The following DAP variants were observed in gnomAD, a reference collection of about 807,000 sequenced individuals.
DAP encodes the protein death associated protein, also known as death-associated protein 1.
Under a neutral mutation model 13.8 loss-of-function variants are expected in DAP, and 8 were observed. The observed-to-expected ratio is 0.58, with a 90% CI of 0.34 to 1.05. DAP has a LOEUF of 1.05. Ranked by LOEUF, DAP falls within the 50% of genes least tolerant of loss-of-function variation. The pLI, the probability that DAP is intolerant of heterozygous loss-of-function variation, is 0.03. For missense variants in DAP, 106 were observed against 133.2 expected (o/e 0.80, Z 1.01); for synonymous variants, 47 against 47.5 (o/e 0.99, Z 0.04).
intron 2 of DAP, among the ~76,000 whole-genome samples, chr5:10,684,113 T>C (rs267965): frequency 0.99 from 151,026 of 152,356 alleles, 74,912 homozygotes; most frequent in Non-Finnish European, 1. Flanking sequence ...GATGAGCCAC[T>C]GTGCCCAGCC....
intron 2 of DAP, among the ~76,000 whole-genome samples, chr5:10,702,976 A>G (rs985363774): frequency 6.6e-6 from 1 of 152,210 alleles, no homozygotes; most frequent in Non-Finnish European, 1.5e-5. Flanking sequence ...TTGCCTCCTC[A>G]GCCAGAGTCT....
Position 10,706,584 on chromosome 5 carries a change from G to A in DAP, c.153-23013C>T, listed in dbSNP as rs145515715. Among the ~76,000 whole-genome samples the A allele has an allele frequency of 5.5e-3, 838 of 152,230 alleles. 4 individuals are homozygous for A. The highest frequency in any genetic ancestry group is 8.4e-3 in the Non-Finnish European group (568 of 68,020). On this transcript the variant is annotated intron_variant, in intron 2 of 3. Transcript: ENST00000230895. ...ATGTTACCTGGTTTGTCAGAAAATC[G>A]GACAGAGATGGACTTGTTAAGACAA...
chr5:10,721,367 G>A (rs1163292649), intron 2 of DAP, among the ~76,000 whole-genome samples: 1 of 152,146 alleles, frequency 6.6e-6, no homozygotes, highest in Non-Finnish European at 1.5e-5. Context: ...CGGCTACCAG[G>A]AGACACAACA....
chr5:10,693,137 C>CAT (rs1738346171), intron 2 of DAP, among the ~76,000 whole-genome samples: 1 of 145,332 alleles, frequency 6.9e-6, no homozygotes, highest in African/African-American at 2.6e-5. Flanking sequence ...CACACACACA[C>CAT]ACACACACAC....
intron 2 of DAP, among the ~76,000 whole-genome samples, chr5:10,731,438 C>T (rs543615375): frequency 3.3e-5 from 5 of 152,304 alleles, no homozygotes; most frequent in African/African-American, 1.2e-4. Context: ...CTTTGGATCC[C>T]GAGCCCTGTG....
chr5:10,681,587 C>A (rs889022986), intron 3 of DAP, among the ~76,000 whole-genome samples: 1 of 147,480 alleles, frequency 6.8e-6, no homozygotes, highest in Non-Finnish European at 1.5e-5. Context: ...GGTGAGGAAC[C>A]CCCAGGCCAG....
intron 1 of DAP, among the ~76,000 whole-genome samples, chr5:10,750,236 T>C (rs1740012812): frequency 6.6e-6 from 1 of 152,130 alleles, no homozygotes; most frequent in Non-Finnish European, 1.5e-5. Flanking sequence ...CAACTTTCTT[T>C]ATGCTGCTGA....
rs1005347030 is a variant in DAP at position 10,680,365 on chromosome 5, T to G, written c.*691A>C. 3 of 277,470 alleles carry G rather than the reference T, an allele frequency of 1.1e-5. No homozygotes were observed. Among genetic ancestry groups the G allele is most frequent in the African/African-American group, 2.2e-5 (1 of 44,844 alleles). 17.2% of individuals were successfully genotyped at this position (277,470 alleles called of 1,614,324 possible). ...GAGCCTGTCTGGGCTGAGGCGATGC[T>G]GGGCTTGCCGTGCCGAGATCTCATG... On this transcript the variant is annotated 3_prime_UTR_variant, in exon 4 of 4. Coordinates refer to ENST00000230895, the MANE Select transcript of DAP (RefSeq NM_004394.3).
At chr5:10,723,669 C>A (rs1428972551) in intron 2 of DAP, among the ~76,000 whole-genome samples, 1 of 152,146 alleles carries the variant, frequency 6.6e-6, no homozygotes, top group Non-Finnish European at 1.5e-5. Context: ...AACACATAGC[C>A]CTTTCTGAGG....
intron 2 of DAP, among the ~76,000 whole-genome samples, chr5:10,702,425 A>C (rs1282754702): frequency 6.6e-6 from 1 of 152,196 alleles, no homozygotes; most frequent in Non-Finnish European, 1.5e-5. Flanking sequence ...GTGACCCGAC[A>C]ATCTGGCTGA....
intron 2 of DAP, among the ~76,000 whole-genome samples, chr5:10,744,498 G>C (rs1338944756): frequency 6.6e-6 from 1 of 152,184 alleles, no homozygotes; most frequent in Non-Finnish European, 1.5e-5. Context: ...GTAGGATTAT[G>C]GGTTTGAGGA....
intron 1 of DAP, among the ~76,000 whole-genome samples, chr5:10,753,034 C>T (rs1419441376): frequency 6.6e-6 from 1 of 152,216 alleles, no homozygotes; most frequent in Non-Finnish European, 1.5e-5. Context: ...GGAATGAAGG[C>T]CATGCCCTGT....
intron 2 of DAP, among the ~76,000 whole-genome samples, chr5:10,697,332 T>C (rs956827196): frequency 1.3e-5 from 2 of 152,212 alleles, no homozygotes; most frequent in African/African-American, 4.8e-5. Flanking sequence ...GGTATGATTA[T>C]TAGTCTGTAT....
chr5:10,746,296 C>T (rs978823193), intron 2 of DAP, among the ~76,000 whole-genome samples: 4 of 150,890 alleles, frequency 2.7e-5, no homozygotes, highest in African/African-American at 9.8e-5. Context: ...TTTGTGAATA[C>T]AGTAAGTGAG....
At chr5:10,733,155 CGTGTGTGTGTGTGTGTGTGTGTGTGTGT>C (rs55645932) in intron 2 of DAP, among the ~76,000 whole-genome samples, 15 of 128,482 alleles carry the variant, frequency 1.2e-4, no homozygotes, top group Admixed American at 2.4e-4. Flanking sequence ...AATATTCCTG[CGTGTGTGTGTGTGTGTGTGTGTGTGTGT>C]GTGTGTGTGT....
At chr5:10,731,627 G>A (rs1044966133) in intron 2 of DAP, among the ~76,000 whole-genome samples, 1 of 152,196 alleles carries the variant, frequency 6.6e-6, no homozygotes, top group Non-Finnish European at 1.5e-5. Flanking sequence ...TGGTCTTTGT[G>A]CCTGACTTCC....
chr5:10,746,353 A>G (rs1383653888), intron 2 of DAP, among the ~76,000 whole-genome samples: 1 of 150,144 alleles, frequency 6.7e-6, no homozygotes, highest in African/African-American at 2.5e-5. Context: ...TTTTGAGACA[A>G]GAGTTTTGTT....
chr5:10,727,251 T>C (rs538435460), intron 2 of DAP, among the ~76,000 whole-genome samples: 3 of 152,322 alleles, frequency 2.0e-5, no homozygotes, highest in African/African-American at 4.8e-5. Flanking sequence ...CAACAGTACC[T>C]GGCCACTGCC....
intron 2 of DAP, among the ~76,000 whole-genome samples, chr5:10,708,463 A>G (rs915851177): frequency 2.8e-5 from 4 of 143,962 alleles, no homozygotes; most frequent in African/African-American, 7.7e-5. Flanking sequence ...ACACACACAC[A>G]CGCACATATC....
Sources: allele counts gnomAD v4.1 joint callset (sites outside exome capture counted in the v4.1 genomes callset), GRCh38; gene constraint gnomAD v4.1.1; transcripts MANE v1.5; gene names NCBI Gene and HGNC (gene_info 2026-07-23, HGNC 2026-07-21).